The following GOLGA3 variants were observed in gnomAD, a reference collection of about 807,000 sequenced individuals.
GOLGA3 encodes the protein golgin A3, also known as golgin subfamily A member 3.
A neutral mutation model predicts 169.4 loss-of-function variants in GOLGA3; 75 were observed. The observed-to-expected ratio is 0.44, with a 90% CI of 0.37 to 0.54. The LOEUF is 0.54. Ranked by LOEUF, GOLGA3 falls within the 20% of genes least tolerant of loss-of-function variation. The pLI, the probability that GOLGA3 is intolerant of heterozygous loss-of-function variation, is 0.00. For synonymous variants in GOLGA3, 824 were observed against 822.4 expected, an observed-to-expected ratio of 1.00 and a Z score of -0.03; for missense variants, 1,899 against 1,930.0, an observed-to-expected ratio of 0.98 and a Z score of 0.30.
intron 2 of GOLGA3, 26 bp downstream of exon 2, chr12:132,821,970 G>T: frequency 6.5e-7 from 1 of 1,545,010 alleles, no homozygotes; most frequent in Non-Finnish European, 8.8e-7. Flanking sequence ...CCTGTGACCA[G>T]CACACAGAGG....
intron 5 of GOLGA3, among the ~76,000 whole-genome samples, chr12:132,807,518 C>T (rs1034694733): frequency 2.0e-5 from 3 of 152,170 alleles, no homozygotes; most frequent in South Asian, 2.1e-4. Flanking sequence ...GACATGCAAG[C>T]GTCGTGCAGC....
intron 12 of GOLGA3, among the ~76,000 whole-genome samples, chr12:132,790,292 C>T (rs1414115456): frequency 6.6e-6 from 1 of 152,140 alleles, no homozygotes; most frequent in Non-Finnish European, 1.5e-5. Flanking sequence ...CGAGATCGCA[C>T]CACTGCCCTC....
At chr12:132,790,098 A>G (rs1231277455) in intron 12 of GOLGA3, among the ~76,000 whole-genome samples, 13 of 151,944 alleles carry the variant, frequency 8.6e-5, no homozygotes, top group East Asian at 1.9e-4. Context: ...TTGGGAGGCC[A>G]AGGTGGGCGG....
At chr12:132,823,253 C>T (rs1029308887) in intron 1 of GOLGA3, among the ~76,000 whole-genome samples, 3 of 152,260 alleles carry the variant, frequency 2.0e-5, no homozygotes, top group African/African-American at 7.2e-5. Flanking sequence ...CTTTGCCCAA[C>T]ATTTGGCAAG....
intron 11 of GOLGA3, among the ~76,000 whole-genome samples, chr12:132,793,919 C>T (rs1948683944): frequency 6.6e-6 from 1 of 152,248 alleles, no homozygotes; most frequent in Non-Finnish European, 1.5e-5. Flanking sequence ...CCTAGGTTTT[C>T]TGTCTGAATA....
chr12:132,826,869 A>G (rs1284298071), intron 1 of GOLGA3, among the ~76,000 whole-genome samples: 1 of 152,372 alleles, frequency 6.6e-6, no homozygotes, highest in East Asian at 1.9e-4. Flanking sequence ...AGCAACTGCC[A>G]GTGCATCACA....
rs938637181 is a variant in GOLGA3 at position 132,822,341 on chromosome 12, T to C, written c.-183-30A>G. 5.0e-6 allele frequency: 6 copies of C among 1,208,870 alleles called. No homozygotes were observed. The African/African-American group carries it at 6.4e-5, about 13-fold the overall frequency. The allele number at this position is 1,208,870 out of a possible 1,614,324, so 74.9% of individuals were successfully genotyped here. ...CAGGAGAGAGAGACAAAATGTATTATGAAACTTGTCAGATTTCAAGTATCA... is the reference window on the plus strand; with the variant it reads ...CAGGAGAGAGAGACAAAATGTATTACGAAACTTGTCAGATTTCAAGTATCA... On this transcript the variant is annotated intron_variant, in intron 1 of 23. Coordinates refer to ENST00000450791, the MANE Select transcript of GOLGA3 (RefSeq NM_001389683.1).
intron 18 of GOLGA3, among the ~76,000 whole-genome samples, chr12:132,780,147 C>T (rs924895846): frequency 2.8e-5 from 4 of 142,182 alleles, no homozygotes; most frequent in African/African-American, 1.0e-4. Flanking sequence ...CACGTGTGTA[C>T]AGACATCACA....
chr12:132,796,241 A>G, intron 10 of GOLGA3, 21 bp from the exon 11 acceptor site: 3 of 1,571,108 alleles, frequency 1.9e-6, no homozygotes, highest in Non-Finnish European at 1.7e-6. Context: ...AATGAAGCCC[A>G]CATGGCTGCG....
At chr12:132,828,439 AAC>A (rs1950516259) in intron 1 of GOLGA3, 2 of 152,338 alleles carry the variant, frequency 1.3e-5, no homozygotes. Flanking sequence ...ACTTCCCACG[AAC>A]CACCCGACAC....
At chr12:132,826,982 CA>C (rs771579642) in intron 1 of GOLGA3, among the ~76,000 whole-genome samples, 26 of 152,184 alleles carry the variant, frequency 1.7e-4, no homozygotes, top group Non-Finnish European at 3.1e-4. Context: ...AGAGAAGAGA[CA>C]GGACAAAGCT....
chr12:132,798,480 TAA>T lies in GOLGA3; in HGVS notation c.1801-5_1801-4del. ...CCTGCCTGGGTCATCTGTCCAACCT[TAA>T]AAAAAAAACCCACAAAGTAAAAAGT... On this transcript the variant is annotated splice_region_variant and splice_polypyrimidine_tract_variant and intron_variant, in intron 8 of 23. Coordinates refer to ENST00000450791, the MANE Select transcript of GOLGA3 (RefSeq NM_001389683.1). The T allele has an allele frequency of 2.2e-6, 3 of 1,351,712 alleles. No individual in the cohort carries two copies. Among genetic ancestry groups the T allele is most frequent in the South Asian group, 1.4e-5 (1 of 71,490 alleles). The allele number at this position is 1,351,712 out of a possible 1,614,324, so 83.7% of individuals were successfully genotyped here. A position where few individuals can be genotyped will look rare whatever the true frequency, so the allele number is the denominator to read the frequency against.
At chr12:132,798,531 C>T in intron 8 of GOLGA3, 54 bp from the exon 9 acceptor site, 1 of 1,544,350 alleles carries the variant, frequency 6.5e-7, no homozygotes, top group South Asian at 1.2e-5. Context: ...GCAAGAAATG[C>T]AGACCAGCCT....
intron 18 of GOLGA3, among the ~76,000 whole-genome samples, chr12:132,779,777 C>A (rs1439082821): frequency 7.6e-6 from 1 of 131,414 alleles, no homozygotes; most frequent in Non-Finnish European, 1.7e-5. Flanking sequence ...GGACACCCCC[C>A]CCGTGCACAT....
chr12:132,791,050 CAAAAAAAAAAAAAAAAA>C lies in GOLGA3; in HGVS notation c.2547+149_2547+165del, dbSNP rs771719474. 7.0e-4 allele frequency among the ~76,000 whole-genome samples: 37 copies of C among 52,652 alleles called. No individual in the cohort carries two copies. In the East Asian group the frequency reaches 0.013, roughly 19 times the overall value. 34.5% of individuals were successfully genotyped at this position (52,652 alleles called of 152,430 possible). On this transcript the variant is annotated intron_variant, in intron 12 of 23. Transcript: ENST00000450791. ...TGGCTGACAGAGAGAGACTCCGTCT[CAAAAAAAAAAAAAAAAA>C]AAAAAAAAAAAAAAAAAAAATTTAA...
rs200604051 is a variant in GOLGA3 at position 132,789,064 on chromosome 12, G to A, written c.2774C>T (p.Ala925Val). 62 of 1,600,744 alleles carry A rather than the reference G, an allele frequency of 3.9e-5. No homozygotes were observed. The highest frequency in any genetic ancestry group is 2.2e-4 in the Admixed American group (13 of 58,668). The change falls in exon 13 of 24, where the codon GCG becomes GTG. Residue 925 changes from alanine (A) to valine (V), a missense_variant. By Grantham distance (64) the Ala-to-Val change is moderately conservative. Coordinates refer to ENST00000450791, the MANE Select transcript of GOLGA3 (RefSeq NM_001389683.1). Reference sequence around the variant, plus strand: ...TTCCATCTCGTCTCGCTCCTTCTGCGCCGACTGGAGATGCCCTTCAAGGTC... The same window carrying A: ...TTCCATCTCGTCTCGCTCCTTCTGCACCGACTGGAGATGCCCTTCAAGGTC... ...MADLEGHLQS[A>V]QKERDEMETH...
At chr12:132,782,230 T>C in intron 17 of GOLGA3, 66 bp downstream of exon 17, 1 of 1,349,404 alleles carries the variant, frequency 7.4e-7, no homozygotes, top group Non-Finnish European at 1.1e-6. Context: ...GATGAGATTC[T>C]CGGAGTGCGC....
At chr12:132,819,167 G>A (rs754152406) in intron 2 of GOLGA3, among the ~76,000 whole-genome samples, 4 of 152,028 alleles carry the variant, frequency 2.6e-5, no homozygotes, top group Non-Finnish European at 4.4e-5. Context: ...TGTCTCACAG[G>A]GGTCAGCATT....
chr12:132,774,262 G>T lies in GOLGA3; in HGVS notation c.4202C>A (p.Pro1401Gln). The part of the protein sequence containing the change: ...SSNPATPIKI[P>Q]DCPVPASLLE... The stretch of plus-strand genomic sequence containing the variant: ...CAGCGAGGCGGGAACTGGGCAGTCC[G>T]GGATCTTGATGGGCGTGGCAGGGTT... Residue 1401 changes from proline to glutamine, a missense_variant, in exon 23 of 24, where the codon CCG becomes CAG. Pro to Gln is a moderately conservative substitution (Grantham distance 76). Transcript: ENST00000450791. The T allele has an allele frequency of 6.2e-7, 1 of 1,612,806 alleles. No individual in the cohort carries two copies.
Sources: allele counts gnomAD v4.1 joint callset (sites outside exome capture counted in the v4.1 genomes callset), GRCh38; gene constraint gnomAD v4.1.1; transcripts MANE v1.5; gene names NCBI Gene and HGNC (gene_info 2026-07-23, HGNC 2026-07-21).